C1QTNF7: variants seen among roughly 807,000 people sequenced by gnomAD.
The protein encoded by C1QTNF7 is C1q and TNF related 7, also known as complement C1q tumor necrosis factor-related protein 7.
A neutral mutation model predicts 19.6 loss-of-function variants in C1QTNF7; 15 were observed. The observed-to-expected ratio is 0.76, with a 90% CI of 0.51 to 1.18. The LOEUF is 1.18. Among genes scored for constraint, C1QTNF7 ranks in the 50% most tolerant of loss-of-function variants. The probability of loss-of-function intolerance (pLI) is 0.00; values close to 1 mark genes in which losing one functional copy is unlikely to be tolerated. For missense variants in C1QTNF7, 324 were observed against 359.7 expected (o/e 0.90, Z 0.80); for synonymous variants, 142 against 137.5 (o/e 1.03, Z -0.23).
chr4:15,435,715 G>A (rs372719776), intron 1 of C1QTNF7, 21 bp from the exon 2 acceptor site: 80 of 1,613,382 alleles, frequency 5.0e-5, no homozygotes, highest in Middle Eastern at 1.6e-4. Flanking sequence ...GTTCATTTAC[G>A]TCTGTGTGTT....
At chr4:15,426,845 A>G, upstream of C1QTNF7, among the ~76,000 whole-genome samples, 1 of 152,362 alleles carries the variant, frequency 6.6e-6, no homozygotes, top group Non-Finnish European at 1.5e-5. Context: ...GGGTGACATC[A>G]GACACCATCA....
chr4:15,369,986 T>C (rs963227014), intron 1 of C1QTNF7, among the ~76,000 whole-genome samples: 2 of 152,214 alleles, frequency 1.3e-5, no homozygotes, highest in African/African-American at 4.8e-5. Context: ...TGAGATCATA[T>C]TGTATTCAAC....
intron 1 of C1QTNF7, among the ~76,000 whole-genome samples, chr4:15,379,182 G>T (rs1172165491): frequency 2.0e-5 from 3 of 152,124 alleles, no homozygotes; most frequent in African/African-American, 4.8e-5. Context: ...TTGTAAACAA[G>T]TTCCCGAGTT....
intron 1 of C1QTNF7, among the ~76,000 whole-genome samples, chr4:15,393,298 C>G (rs1426809151): frequency 6.6e-6 from 1 of 152,166 alleles, no homozygotes; most frequent in Non-Finnish European, 1.5e-5. Context: ...TTATCAGCAG[C>G]ATGAAAACAG....
chr4:15,357,824 G>T (rs10017025), intron 1 of C1QTNF7, among the ~76,000 whole-genome samples: 71,462 of 151,898 alleles, frequency 0.47, 18,064 homozygotes, highest in African/African-American at 0.65. Flanking sequence ...GTATTCCTAG[G>T]TATTTTCTTC....
intron 1 of C1QTNF7, among the ~76,000 whole-genome samples, chr4:15,360,397 G>T (rs996398378): frequency 2.6e-5 from 4 of 152,120 alleles, no homozygotes; most frequent in African/African-American, 9.7e-5. Context: ...CTTGTTTTAC[G>T]TATGCTTACG....
intron 2 of C1QTNF7, among the ~76,000 whole-genome samples, chr4:15,441,491 T>G (rs896951766): frequency 2.0e-5 from 3 of 152,234 alleles, no homozygotes; most frequent in Non-Finnish European, 4.4e-5. Context: ...TGCCTGGTTC[T>G]GTCTGCCCCT....
At chr4:15,397,092 C>T (rs1718811671) in intron 1 of C1QTNF7, among the ~76,000 whole-genome samples, 1 of 152,146 alleles carries the variant, frequency 6.6e-6, no homozygotes, top group Non-Finnish European at 1.5e-5. Flanking sequence ...CCCTGATAAA[C>T]CACCAGATCT....
intron 1 of C1QTNF7, among the ~76,000 whole-genome samples, chr4:15,405,109 T>C (rs1713074780): frequency 1.3e-5 from 2 of 152,202 alleles, no homozygotes; most frequent in African/African-American, 4.8e-5. Context: ...TTTTATTTCT[T>C]CCTATAACAG....
intron 1 of C1QTNF7, among the ~76,000 whole-genome samples, chr4:15,345,050 CTATAGCAAGTCTGAATCTTA>C (rs1295122625): frequency 6.6e-6 from 1 of 152,194 alleles, no homozygotes; most frequent in Non-Finnish European, 1.5e-5. Context: ...TGCCTTACAA[CTATAGCAAGTCTGAATCTTA>C]TAAACACGAG....
At chr4:15,353,891 T>A (rs1406228936) in intron 1 of C1QTNF7, among the ~76,000 whole-genome samples, 2 of 152,180 alleles carry the variant, frequency 1.3e-5, no homozygotes, top group African/African-American at 4.8e-5. Context: ...TTAAAAGATT[T>A]TTTAAAAAGA....
rs1577289863 is a variant in C1QTNF7, at chr4:15,445,810, T to C, written c.*3011T>C. The C allele has an allele frequency of 6.6e-6, 1 of 152,224 alleles. No homozygotes were observed. Among genetic ancestry groups the C allele is most frequent in the African/African-American group, 2.4e-5 (1 of 41,454 alleles). 9.4% of individuals were successfully genotyped at this position (152,224 alleles called of 1,614,324 possible). On this transcript the variant is annotated 3_prime_UTR_variant, in exon 3 of 3. Coordinates refer to ENST00000444304, the MANE Select transcript of C1QTNF7 (RefSeq NM_031911.5). ...TAATGAATATGTATTAAGCAATATT[T>C]ATTGACTATACACCATCTTGTTCTA... is the stretch of plus-strand genomic sequence containing the variant.
At chr4:15,420,824 G>GCCTT (rs1711712872) in intron 1 of C1QTNF7, among the ~76,000 whole-genome samples, 2 of 51,290 alleles carry the variant, frequency 3.9e-5, no homozygotes, top group East Asian at 1.5e-3. Context: ...CCACTGCTTT[G>GCCTT]TCTTTTTTTT....
At chr4:15,368,103 C>A (rs1717593381) in intron 1 of C1QTNF7, among the ~76,000 whole-genome samples, 1 of 152,070 alleles carries the variant, frequency 6.6e-6, no homozygotes, top group South Asian at 2.1e-4. Flanking sequence ...GACTGATCTG[C>A]TTTTTTGTCA....
At chr4:15,430,518 G>A (rs1712255580) in intron 1 of C1QTNF7, among the ~76,000 whole-genome samples, 1 of 152,234 alleles carries the variant, frequency 6.6e-6, no homozygotes, top group South Asian at 2.1e-4. Context: ...TGTATGTGGA[G>A]TGACAGCTAA....
At chr4:15,423,486 C>T (rs1464831113), upstream of C1QTNF7, among the ~76,000 whole-genome samples, 2 of 152,148 alleles carry the variant, frequency 1.3e-5, no homozygotes, top group African/African-American at 4.8e-5. Context: ...GTTTAGAAAC[C>T]AAACTGAGTC....
intron 1 of C1QTNF7, among the ~76,000 whole-genome samples, chr4:15,395,380 C>G (rs1463672520): frequency 1.3e-5 from 2 of 152,168 alleles, no homozygotes; most frequent in African/African-American, 4.8e-5. Context: ...TGGGCAAGCC[C>G]CCTTGCTTTC....
At chr4:15,370,935 A>T (rs1372916343) in intron 1 of C1QTNF7, among the ~76,000 whole-genome samples, 5 of 152,214 alleles carry the variant, frequency 3.3e-5, no homozygotes, top group Admixed American at 1.3e-4. Flanking sequence ...CACCAACAAA[A>T]CTAGGCTTCT....
At chr4:15,351,626 T>C (rs1271648447) in intron 1 of C1QTNF7, among the ~76,000 whole-genome samples, 2 of 152,114 alleles carry the variant, frequency 1.3e-5, no homozygotes, top group Non-Finnish European at 2.9e-5. Flanking sequence ...TACATCAGAA[T>C]CTCTGGGGGT....
Sources: gnomAD v4.1 joint callset for allele counts (sites outside exome capture counted in the v4.1 genomes callset) on GRCh38, gnomAD v4.1.1 for gene constraint, MANE v1.5 for transcripts, NCBI Gene and HGNC (gene_info 2026-07-23, HGNC 2026-07-21) for gene names.